The following ALPK1 variants were observed in gnomAD, a reference collection of about 807,000 sequenced individuals.
ALPK1 encodes the protein alpha-protein kinase 1.
A neutral mutation model predicts 120.6 loss-of-function variants in ALPK1; 110 were observed. The observed-to-expected ratio is 0.91, with a 90% confidence interval of 0.78 to 1.07. The LOEUF is 1.07. ALPK1 is among the 50% of genes least tolerant of loss of function. ALPK1 has a pLI of 0.00. For missense variants in ALPK1, 1,498 were observed against 1,483.9 expected (o/e 1.01, Z -0.16); for synonymous variants, 582 against 560.3 (o/e 1.04, Z -0.55).
chr4:112,434,484 A>ACTC (rs1206452757), intron 11 of ALPK1, among the ~76,000 whole-genome samples: 3 of 152,062 alleles, frequency 2.0e-5, no homozygotes, highest in Non-Finnish European at 4.4e-5. Flanking sequence ...AAAGTGTTGC[A>ACTC]CTCCTTCCTT....
Position 112,382,481 on chromosome 4 carries a change from A to C in ALPK1, c.205A>C (p.Lys69Gln). 3 of 1,614,122 alleles carry C rather than the reference A, an allele frequency of 1.9e-6. No homozygotes were observed. The highest frequency in any genetic ancestry group is 2.5e-6 in the Non-Finnish European group (3 of 1,179,998). ...WPFVPEKWQY[K>Q]QAVGPEDKTN... ...CTTCGTGCCTGAAAAGTGGCAGTAC[A>C]AACAAGCCGTGGGCCCAGAGGACAA... Residue 69 changes from lysine to glutamine, a missense_variant, in exon 4 of 16, where the codon AAA becomes CAA. Physicochemically the swap from Lys to Gln is moderately conservative, Grantham distance 53. Transcript: ENST00000650871.
At chr4:112,418,399 A>T (rs1733836874) in intron 5 of ALPK1, among the ~76,000 whole-genome samples, 1 of 152,264 alleles carries the variant, frequency 6.6e-6, no homozygotes, top group Admixed American at 6.5e-5. Flanking sequence ...CTGTAAAGTC[A>T]GCTGAGAGGA....
intron 2 of ALPK1, among the ~76,000 whole-genome samples, chr4:112,328,525 T>G (rs1729216288): frequency 6.6e-6 from 1 of 152,230 alleles, no homozygotes; most frequent in Non-Finnish European, 1.5e-5. Flanking sequence ...TTCTTCACAC[T>G]GTCCAAGGCA....
At chr4:112,396,764 G>A (rs761930684) in intron 4 of ALPK1, among the ~76,000 whole-genome samples, 3 of 151,848 alleles carry the variant, frequency 2.0e-5, no homozygotes, top group Non-Finnish European at 2.9e-5. Context: ...AATCTATGTA[G>A]AGCTGTTTTT....
At chr4:112,323,628 G>T (rs1268743409) in intron 2 of ALPK1, among the ~76,000 whole-genome samples, 1 of 152,120 alleles carries the variant, frequency 6.6e-6, no homozygotes, top group Non-Finnish European at 1.5e-5. Context: ...GTCAAATAAA[G>T]TTGCCATTTT....
In ALPK1 at chr4:112,431,580, A is replaced by T; in HGVS notation, c.2033A>T (p.Asn678Ile). ...CCCTTGACACCCTTCTCGCCTCATA[A>T]TACCCCAGGCATTTTCTTGGCCCCT... is the stretch of plus-strand genomic sequence containing the variant. Reference protein sequence around the residue: ...QMPLTPFSPHNTPGIFLAPGA... With the variant: ...QMPLTPFSPHITPGIFLAPGA... Residue 678 changes from asparagine (N) to isoleucine (I), a missense_variant, in exon 11 of 16, where the codon AAT (asparagine) becomes ATT (isoleucine). Physicochemically the swap from Asn to Ile is moderately radical, Grantham distance 149. Transcript: ENST00000650871. 6.2e-7 allele frequency: 1 copy of T among 1,614,184 alleles called. No individual in the cohort carries two copies. Among genetic ancestry groups the T allele is most frequent in the Non-Finnish European group, 8.5e-7 (1 of 1,180,032 alleles).
At chr4:112,341,572 A>G (rs572081285) in intron 2 of ALPK1, among the ~76,000 whole-genome samples, 1 of 152,252 alleles carries the variant, frequency 6.6e-6, no homozygotes, top group African/African-American at 2.4e-5. Context: ...CTTTTTTTAA[A>G]GAGCTTTTAA....
chr4:112,371,748 T>C (rs1731413819), intron 2 of ALPK1, among the ~76,000 whole-genome samples: 1 of 152,192 alleles, frequency 6.6e-6, no homozygotes, highest in Admixed American at 6.5e-5. Context: ...AATAAGTATA[T>C]TTAGTAATCG....
At chr4:112,364,823 C>G (rs1731070840) in intron 2 of ALPK1, among the ~76,000 whole-genome samples, 1 of 152,146 alleles carries the variant, frequency 6.6e-6, no homozygotes, top group Non-Finnish European at 1.5e-5. Flanking sequence ...TACTAGCTAA[C>G]AGAACCCAAC....
At chr4:112,356,959 C>A (rs1038723633) in intron 2 of ALPK1, 2 of 765,104 alleles carry the variant, frequency 2.6e-6, no homozygotes, top group East Asian at 2.5e-5. Context: ...CGGGACTGGA[C>A]GTCATAGACC....
chr4:112,319,660 T>C (rs2110543230), intron 2 of ALPK1, among the ~76,000 whole-genome samples: 1 of 152,362 alleles, frequency 6.6e-6, no homozygotes, highest in East Asian at 1.9e-4. Context: ...CAATATTGAT[T>C]CTATCCACCC....
chr4:112,363,414 A>T (rs1268222532), intron 2 of ALPK1, among the ~76,000 whole-genome samples: 1 of 152,218 alleles, frequency 6.6e-6, no homozygotes, highest in African/African-American at 2.4e-5. Flanking sequence ...CTATTCATGT[A>T]TTAGACAAAA....
intron 2 of ALPK1, among the ~76,000 whole-genome samples, chr4:112,324,392 C>G (rs533267976): frequency 1.3e-5 from 2 of 151,366 alleles, no homozygotes; most frequent in African/African-American, 4.8e-5. Context: ...CCTCATTCCT[C>G]AAAGATGCTG....
At chr4:112,310,887 G>T (rs545498840) in intron 1 of ALPK1, among the ~76,000 whole-genome samples, 3 of 152,180 alleles carry the variant, frequency 2.0e-5, no homozygotes, top group Admixed American at 1.3e-4. Flanking sequence ...CTGATCCTTG[G>T]TCACTTGCTG....
intron 4 of ALPK1, among the ~76,000 whole-genome samples, chr4:112,410,740 G>GT (rs1366858962): frequency 6.6e-6 from 1 of 152,100 alleles, no homozygotes; most frequent in Non-Finnish European, 1.5e-5. Flanking sequence ...AGATGATGAT[G>GT]TTTTTTCATA....
At chr4:112,439,100 C>G (rs994614878) in intron 13 of ALPK1, among the ~76,000 whole-genome samples, 3 of 152,150 alleles carry the variant, frequency 2.0e-5, no homozygotes, top group African/African-American at 7.2e-5. Context: ...CTAATATTCC[C>G]ATTGAGTTTT....
chr4:112,335,277 A>G (rs1287722644), intron 2 of ALPK1, among the ~76,000 whole-genome samples: 2 of 152,170 alleles, frequency 1.3e-5, no homozygotes, highest in African/African-American at 4.8e-5. Context: ...AAAAAAAAAA[A>G]AAAAGATACT....
intron 6 of ALPK1, chr4:112,425,109 T>A (rs1734179099): frequency 6.6e-6 from 1 of 152,326 alleles, no homozygotes; most frequent in Admixed American, 6.5e-5. Context: ...GGTGCTAGCC[T>A]TACTTACCCT....
chr4:112,347,407 G>A (rs1730145579), intron 2 of ALPK1, among the ~76,000 whole-genome samples: 1 of 152,140 alleles, frequency 6.6e-6, no homozygotes, highest in South Asian at 2.1e-4. Flanking sequence ...CTTCCTCACT[G>A]TAATCTTATA....
Sources: gnomAD v4.1 joint callset for allele counts (sites outside exome capture counted in the v4.1 genomes callset) on GRCh38, gnomAD v4.1.1 for gene constraint, MANE v1.5 for transcripts, NCBI Gene and HGNC (gene_info 2026-07-23, HGNC 2026-07-21) for gene names.